Variants in ZCWPW2 observed in about 807,000 individuals in gnomAD.
The protein encoded by ZCWPW2 is zinc finger CW-type PWWP domain protein 2.
In ZCWPW2, 45 loss-of-function variants were observed where a neutral mutation model predicts 46.6. That is an observed-to-expected ratio of 0.96 (90% CI 0.76 to 1.24). The LOEUF is 1.24. Ranked by LOEUF, ZCWPW2 falls within the 50% of genes most tolerant of loss-of-function variation. The pLI, the probability that ZCWPW2 is intolerant of heterozygous loss-of-function variation, is 0.00. For synonymous variants in ZCWPW2, 152 were observed against 137.1 expected, an observed-to-expected ratio of 1.11 and a Z score of -0.76; for missense variants, 429 against 403.9, an observed-to-expected ratio of 1.06 and a Z score of -0.53.
intron 4 of ZCWPW2, among the ~76,000 whole-genome samples, chr3:28,453,139 G>T (rs182564196): frequency 6.6e-6 from 1 of 152,292 alleles, no homozygotes; most frequent in Non-Finnish European, 1.5e-5. Context: ...GCATACTTTG[G>T]ATTTGTTTGA....
At chr3:28,488,690 C>T (rs1483187757) in intron 5 of ZCWPW2, among the ~76,000 whole-genome samples, 4 of 152,160 alleles carry the variant, frequency 2.6e-5, no homozygotes, top group Non-Finnish European at 5.9e-5. Flanking sequence ...CTACCTGCAG[C>T]TCCTCTTTTG....
intron 3 of ZCWPW2, among the ~76,000 whole-genome samples, chr3:28,434,419 T>C (rs1418725847): frequency 6.6e-6 from 1 of 152,078 alleles, no homozygotes; most frequent in Admixed American, 6.6e-5. Context: ...AAGAGAAAAA[T>C]GAAACATATC....
At chr3:28,522,893 A>G (rs1011935295) in intron 9 of ZCWPW2, among the ~76,000 whole-genome samples, 2 of 152,132 alleles carry the variant, frequency 1.3e-5, no homozygotes, top group Non-Finnish European at 2.9e-5. Context: ...TGTGTGTTTT[A>G]TTCGAATACC....
At chr3:28,412,992 T>G in intron 2 of ZCWPW2, 64 bp from the exon 3 acceptor site, 2 of 1,353,712 alleles carry the variant, frequency 1.5e-6, no homozygotes, top group South Asian at 2.9e-5. Context: ...ATTTTTGGTT[T>G]GAATTTTCTC....
chr3:28,357,535 T>G (rs528796479), intron 1 of ZCWPW2, among the ~76,000 whole-genome samples: 14 of 152,178 alleles, frequency 9.2e-5, no homozygotes, highest in Admixed American at 9.2e-4. Flanking sequence ...TCCAATCCAC[T>G]GAGGGCCTGA....
intron 2 of ZCWPW2, among the ~76,000 whole-genome samples, chr3:28,408,160 C>T (rs1193602472): frequency 6.6e-6 from 1 of 152,156 alleles, no homozygotes; most frequent in Non-Finnish European, 1.5e-5. Context: ...GTTAGTTTAT[C>T]TTCTCAGCGT....
intron 3 of ZCWPW2, among the ~76,000 whole-genome samples, chr3:28,424,831 A>T (rs1696941414): frequency 6.6e-6 from 1 of 152,208 alleles, no homozygotes; most frequent in Non-Finnish European, 1.5e-5. Flanking sequence ...CTTCCATGTG[A>T]TAATTAGGAG....
At chr3:28,497,040 C>T (rs900635248) in intron 6 of ZCWPW2, among the ~76,000 whole-genome samples, 2 of 148,980 alleles carry the variant, frequency 1.3e-5, no homozygotes, top group Non-Finnish European at 3.0e-5. Flanking sequence ...TATTTATATA[C>T]ATTATATAAT....
At chr3:28,389,563 G>T (rs183044541) in intron 1 of ZCWPW2, among the ~76,000 whole-genome samples, 20 of 152,270 alleles carry the variant, frequency 1.3e-4, no homozygotes, top group African/African-American at 4.3e-4. Flanking sequence ...GGAGTTATTA[G>T]TGTCTTTAAA....
At chr3:28,483,407 A>T (rs1367047540) in intron 5 of ZCWPW2, among the ~76,000 whole-genome samples, 1 of 152,202 alleles carries the variant, frequency 6.6e-6, no homozygotes, top group Non-Finnish European at 1.5e-5. Context: ...TAAGTCTTCA[A>T]GTTGGGTAGT....
intron 1 of ZCWPW2, among the ~76,000 whole-genome samples, chr3:28,369,801 C>T (rs915446980): frequency 5.3e-5 from 8 of 152,180 alleles, no homozygotes; most frequent in Non-Finnish European, 1.0e-4. Context: ...GAGGTGGGCT[C>T]CACCCAGTTG....
At chr3:28,402,818 C>T (rs1395110753) in intron 2 of ZCWPW2, among the ~76,000 whole-genome samples, 1 of 152,102 alleles carries the variant, frequency 6.6e-6, no homozygotes, top group Non-Finnish European at 1.5e-5. Flanking sequence ...TCTCAATAGA[C>T]ACAGCAGAAG....
At chr3:28,398,493 C>G (rs1695792090) in intron 2 of ZCWPW2, among the ~76,000 whole-genome samples, 2 of 152,154 alleles carry the variant, frequency 1.3e-5, no homozygotes, top group African/African-American at 2.4e-5. Flanking sequence ...AGGCTCACAT[C>G]ATGAATTTTT....
chr3:28,481,059 G>A (rs1194128682), intron 5 of ZCWPW2, among the ~76,000 whole-genome samples: 2 of 151,990 alleles, frequency 1.3e-5, no homozygotes, highest in African/African-American at 2.4e-5. Flanking sequence ...TAGAGATGGG[G>A]TTTCACCATG....
At chr3:28,411,784 A>G (rs936006327) in intron 2 of ZCWPW2, among the ~76,000 whole-genome samples, 3 of 152,118 alleles carry the variant, frequency 2.0e-5, no homozygotes, top group Admixed American at 6.6e-5. Context: ...AGAATTAAAC[A>G]CATTAAAACA....
At position 28,515,615 on chromosome 3, in the gene ZCWPW2, A is replaced by G. The variant is rs1264000168; in HGVS notation, c.778A>G (p.Asn260Asp). 4.3e-6 allele frequency: 7 copies of G among 1,612,478 alleles called. No individual in the cohort carries two copies. The highest frequency in any genetic ancestry group is 5.1e-6 in the Non-Finnish European group (6 of 1,179,326). ...TTCTGATGATGCCTTATCAAAGGAG[A>G]ACAGGGGTATGTGAAAGCCTGTCCT... ...VYSDDALSKE[N>D]RVVCETEVLL... The change falls in exon 8 of 10, where the codon AAC (asparagine) becomes GAC (aspartate). Residue 260 changes from asparagine (N) to aspartate (D), a missense_variant. Physicochemically the swap from Asn to Asp is conservative, Grantham distance 23. Coordinates refer to ENST00000383768, the MANE Select transcript of ZCWPW2 (RefSeq NM_001040432.4).
intron 2 of ZCWPW2, among the ~76,000 whole-genome samples, chr3:28,410,224 T>C (rs1696346875): frequency 6.6e-6 from 1 of 152,056 alleles, no homozygotes; most frequent in African/African-American, 2.4e-5. Context: ...CTGACAAAAT[T>C]ATGGGGATAA....
Position 28,524,733 on chromosome 3 carries a change from TTA to T in ZCWPW2, c.*49_*50del, listed in dbSNP as rs1409355643. The stretch of plus-strand genomic sequence containing the variant: ...ATTAATTATAAAAATATTGGCATCT[TTA>T]TATTTATCCAAAGTTAAAACTTTAA... On this transcript the variant is annotated 3_prime_UTR_variant, in exon 10 of 10. Coordinates refer to ENST00000383768, the MANE Select transcript of ZCWPW2 (RefSeq NM_001040432.4). 1 of 1,370,750 alleles carries T rather than the reference TTA, an allele frequency of 7.3e-7. No individual in the cohort carries two copies. The highest frequency in any genetic ancestry group is 9.7e-7 in the Non-Finnish European group (1 of 1,035,826). The allele number at this position is 1,370,750 out of a possible 1,614,324, so 84.9% of individuals were successfully genotyped here.
chr3:28,387,416 G>A (rs1695318465), intron 1 of ZCWPW2, among the ~76,000 whole-genome samples: 1 of 152,104 alleles, frequency 6.6e-6, no homozygotes, highest in Non-Finnish European at 1.5e-5. Context: ...CTTGAAGTGA[G>A]ATGCGAAGGC....
Sources: gnomAD v4.1 joint callset for allele counts (sites outside exome capture counted in the v4.1 genomes callset) on GRCh38, gnomAD v4.1.1 for gene constraint, MANE v1.5 for transcripts, NCBI Gene and HGNC (gene_info 2026-07-23, HGNC 2026-07-21) for gene names.